Variants in PLEKHA8 observed in about 807,000 individuals in gnomAD.
PLEKHA8 encodes the protein pleckstrin homology domain containing A8.
PLEKHA8 carries 36 observed loss-of-function variants against 68.2 expected under a neutral mutation model. The ratio of observed to expected loss-of-function variants is 0.53; its 90% CI spans 0.40 to 0.70. The LOEUF (loss-of-function observed/expected upper bound fraction) is 0.70. Ranked by LOEUF, PLEKHA8 falls within the 30% of genes least tolerant of loss-of-function variation. The probability of loss-of-function intolerance (pLI) is 0.00; values close to 1 mark genes in which losing one functional copy is unlikely to be tolerated. For missense variants in PLEKHA8, 505 were observed against 615.4 expected, an observed-to-expected ratio of 0.82 and a Z score of 1.90; for synonymous variants, 211 against 216.1, an observed-to-expected ratio of 0.98 and a Z score of 0.20.
intron 1 of PLEKHA8, among the ~76,000 whole-genome samples, 168 bp downstream of exon 1, chr7:30,028,970 G>A (rs1562845243): frequency 6.6e-6 from 1 of 152,210 alleles, no homozygotes; most frequent in African/African-American, 2.4e-5. Flanking sequence ...CCGTGTCGCC[G>A]TGCAGGACGA....
At chr7:30,038,259 G>A (rs959923472) in intron 1 of PLEKHA8, among the ~76,000 whole-genome samples, 2 of 148,056 alleles carry the variant, frequency 1.4e-5, no homozygotes, top group African/African-American at 2.5e-5. Context: ...AATGCACATG[G>A]AACATTCACC....
At chr7:30,088,557 T>C (rs1421969345), downstream of PLEKHA8, among the ~76,000 whole-genome samples, 33 of 152,142 alleles carry the variant, frequency 2.2e-4, no homozygotes, top group Admixed American at 2.2e-3. Context: ...ATGTGGGATC[T>C]TTTAGGATAA....
chr7:30,079,308 C>T lies in PLEKHA8; in HGVS notation c.*521C>T. ...CTGCAACTCTGTCAGTGATAAGGGC[C>T]TGTGTAGTAAAGATGTTCAGGGCAT... On this transcript the variant is annotated 3_prime_UTR_variant, in exon 14 of 14. Coordinates refer to ENST00000449726, the MANE Select transcript of PLEKHA8 (RefSeq NM_001197026.2). 2.0e-6 allele frequency: 2 copies of T among 988,260 alleles called. No individual in the cohort carries two copies. The highest frequency in any genetic ancestry group is 3.5e-5 in the African/African-American group (2 of 57,336). The allele number at this position is 988,260 out of a possible 1,614,324, so 61.2% of individuals were successfully genotyped here.
At chr7:30,062,158 G>C in intron 11 of PLEKHA8, 131 bp downstream of exon 11, 1 of 1,121,238 alleles carries the variant, frequency 8.9e-7, no homozygotes, top group Non-Finnish European at 1.2e-6. Context: ...TTTCTAGAAG[G>C]CCTAATGAAT....
chr7:30,045,150 G>T lies in PLEKHA8; in HGVS notation c.106G>T (p.Ala36Ser). 6.2e-7 allele frequency: 1 copy of T among 1,612,274 alleles called. No homozygotes were observed. The highest frequency in any genetic ancestry group is 8.5e-7 in the Non-Finnish European group (1 of 1,179,148). ...GTCCTATTATGATTCTCCTGAAGATGCCTGGAAAGGTTGCAAAGGGAGCAT... is the reference window on the plus strand; with the variant it reads ...GTCCTATTATGATTCTCCTGAAGATTCCTGGAAAGGTTGCAAAGGGAGCAT... ...ILSYYDSPED[A>S]WKGCKGSIQM... Residue 36 changes from alanine (A) to serine (S), a missense_variant, in exon 2 of 14, where the codon GCC becomes TCC. Ala to Ser is a moderately conservative substitution (Grantham distance 99, BLOSUM62 1). Coordinates refer to ENST00000449726, the MANE Select transcript of PLEKHA8 (RefSeq NM_001197026.2).
At chr7:30,059,488 T>C (rs1793261689) in intron 9 of PLEKHA8, among the ~76,000 whole-genome samples, 1 of 152,162 alleles carries the variant, frequency 6.6e-6, no homozygotes, top group African/African-American at 2.4e-5. Flanking sequence ...TTGGTATTTG[T>C]TTCTATCATC....
chr7:30,115,771 TATGCATGC>T (rs1156852357), intron 13 of PLEKHA8: 1 of 136,466 alleles, frequency 7.3e-6, no homozygotes, highest in Non-Finnish European at 1.6e-5. Context: ...TGTATACACG[TATGCATGC>T]ATACATACGT....
chr7:30,102,417 C>G (rs1795886921), intron 13 of PLEKHA8, among the ~76,000 whole-genome samples: 1 of 152,182 alleles, frequency 6.6e-6, no homozygotes, highest in African/African-American at 2.4e-5. Context: ...AATTCCACTC[C>G]TAGGTATAGA....
intron 13 of PLEKHA8, among the ~76,000 whole-genome samples, chr7:30,121,226 A>G (rs971161584): frequency 6.6e-6 from 1 of 152,122 alleles, no homozygotes; most frequent in Non-Finnish European, 1.5e-5. Context: ...GAGGTTGGTC[A>G]GAAAGTGGCA....
chr7:30,064,882 T>C (rs1434526646), intron 12 of PLEKHA8, among the ~76,000 whole-genome samples: 4 of 152,214 alleles, frequency 2.6e-5, no homozygotes, highest in Non-Finnish European at 5.9e-5. Context: ...TTGTTAGGGC[T>C]GTCTATGGAA....
At position 30,082,066 on chromosome 7, in the gene PLEKHA8, A is replaced by G; in HGVS notation, c.*3279A>G. On this transcript the variant is annotated 3_prime_UTR_variant, in exon 14 of 14. Transcript: ENST00000449726. ...GATGTAGCTCTGAAGGGAGTTCCAGAAGAGGAGCTCTCACAGAATGTTGAG... is the reference window on the plus strand; with the variant it reads ...GATGTAGCTCTGAAGGGAGTTCCAGGAGAGGAGCTCTCACAGAATGTTGAG... 7.1e-6 allele frequency: 7 copies of G among 980,206 alleles called. 1 individual carries two copies. The highest frequency in any genetic ancestry group is 8.5e-6 in the Non-Finnish European group (7 of 825,148). The allele number at this position is 980,206 out of a possible 1,614,324, so 60.7% of individuals were successfully genotyped here.
rs1795053346 is a variant in PLEKHA8, at chr7:30,083,670, A to G, written c.*4883A>G. 7 of 985,452 alleles carry G rather than the reference A, an allele frequency of 7.1e-6. No individual in the cohort carries two copies. The highest frequency in any genetic ancestry group is 1.7e-5 in the African/African-American group (1 of 57,370). The allele number at this position is 985,452 out of a possible 1,614,324, so 61.0% of individuals were successfully genotyped here. Reference sequence around the variant, plus strand: ...AAAAATACCACTACTCTGCAATGCAAAAGTCTTCAAAATTCTTTGTTTCCT... The same window carrying G: ...AAAAATACCACTACTCTGCAATGCAGAAGTCTTCAAAATTCTTTGTTTCCT... On this transcript the variant is annotated 3_prime_UTR_variant, in exon 14 of 14. Transcript: ENST00000449726.
chr7:30,099,769 C>G (rs1277955309), intron 13 of PLEKHA8, among the ~76,000 whole-genome samples: 6 of 152,188 alleles, frequency 3.9e-5, no homozygotes, highest in African/African-American at 2.4e-5. Flanking sequence ...ATTCTTCACT[C>G]TCTCTGAATT....
At chr7:30,063,417 C>T (rs893226438) in intron 12 of PLEKHA8, among the ~76,000 whole-genome samples, 3 of 152,156 alleles carry the variant, frequency 2.0e-5, no homozygotes, top group Non-Finnish European at 4.4e-5. Flanking sequence ...CCTTAGAGTG[C>T]TTCTAATGGA....
chr7:30,036,604 G>A (rs1791118618), intron 1 of PLEKHA8, among the ~76,000 whole-genome samples: 2 of 152,160 alleles, frequency 1.3e-5, no homozygotes, highest in South Asian at 2.1e-4. Flanking sequence ...GAAGCACTGT[G>A]CAGAACAAAT....
intron 12 of PLEKHA8, among the ~76,000 whole-genome samples, chr7:30,065,219 G>A (rs147579798): frequency 1.1e-4 from 16 of 152,116 alleles, no homozygotes; most frequent in East Asian, 5.8e-4. Flanking sequence ...CTTCTCCTTC[G>A]GCACAATTTT....
chr7:30,067,159 T>G (rs1793904120), intron 12 of PLEKHA8, among the ~76,000 whole-genome samples: 1 of 152,220 alleles, frequency 6.6e-6, no homozygotes, highest in South Asian at 2.1e-4. Flanking sequence ...TTAAGCATAG[T>G]CACTATAAAG....
At chr7:30,059,983 A>T (rs970833600) in intron 9 of PLEKHA8, among the ~76,000 whole-genome samples, 2 of 152,076 alleles carry the variant, frequency 1.3e-5, no homozygotes, top group African/African-American at 4.8e-5. Flanking sequence ...GGAGATCGAG[A>T]CCGTCTTGGC....
chr7:30,031,352 C>T (rs1790645956), intron 1 of PLEKHA8, among the ~76,000 whole-genome samples: 1 of 152,082 alleles, frequency 6.6e-6, no homozygotes, highest in African/African-American at 2.4e-5. Flanking sequence ...TAAGCAGAGT[C>T]TGAAGGATAA....
Sources: allele counts gnomAD v4.1 joint callset (sites outside exome capture counted in the v4.1 genomes callset), GRCh38; gene constraint gnomAD v4.1.1; transcripts MANE v1.5; gene names NCBI Gene and HGNC (gene_info 2026-07-23, HGNC 2026-07-21).